The following TRMT9B variants were observed in gnomAD, a reference collection of about 807,000 sequenced individuals.
The protein encoded by TRMT9B is tRNA methyltransferase 9B (putative).
In TRMT9B, 16 loss-of-function variants were observed where a neutral mutation model predicts 11.5. The ratio of observed to expected loss-of-function variants is 1.39; its 90% confidence interval spans 0.94 to 2.11. The LOEUF (loss-of-function observed/expected upper bound fraction) is 2.11, where lower values mean the gene tolerates loss of function less well. Among genes scored for constraint, TRMT9B ranks in the 30% most tolerant of loss-of-function variants. TRMT9B has a pLI of 0.00. For synonymous variants in TRMT9B, 274 were observed against 192.4 expected (o/e 1.42, Z -3.51); for missense variants, 941 against 553.8 (o/e 1.70, Z -7.02).
chr8:13,014,530 T>C (rs1812259359), intron 4 of TRMT9B, among the ~76,000 whole-genome samples: 1 of 152,096 alleles, frequency 6.6e-6, no homozygotes, highest in Non-Finnish European at 1.5e-5. Context: ...AAATAGGCCA[T>C]TAAGCCCATA....
intron 1 of TRMT9B, among the ~76,000 whole-genome samples, chr8:12,951,028 G>T (rs1194436530): frequency 1.3e-5 from 2 of 152,178 alleles, no homozygotes; most frequent in Admixed American, 6.5e-5. Context: ...TTGATAATAG[G>T]CGGTTGAAGA....
chr8:13,004,820 G>C (rs1177997812), intron 2 of TRMT9B, among the ~76,000 whole-genome samples: 1 of 152,056 alleles, frequency 6.6e-6, no homozygotes, highest in Non-Finnish European at 1.5e-5. Context: ...TTGCACATTA[G>C]GTACCAGCTC....
At chr8:12,946,787 G>C (rs550909319) in intron 1 of TRMT9B, among the ~76,000 whole-genome samples, 1 of 152,282 alleles carries the variant, frequency 6.6e-6, no homozygotes, top group Non-Finnish European at 1.5e-5. Context: ...TAAAAGTTCA[G>C]GAAGAAAGAG....
At chr8:12,971,745 C>T (rs767459139) in intron 1 of TRMT9B, among the ~76,000 whole-genome samples, 14 of 152,034 alleles carry the variant, frequency 9.2e-5, no homozygotes, top group Non-Finnish European at 1.6e-4. Context: ...TATTTTCCTC[C>T]GAATATATTT....
At chr8:13,017,771 GC>G (rs1448644313) in intron 4 of TRMT9B, among the ~76,000 whole-genome samples, 2 of 151,386 alleles carry the variant, frequency 1.3e-5, no homozygotes, top group Non-Finnish European at 2.9e-5. Context: ...ACACCACCAC[GC>G]CCAGCTAATT....
intron 2 of TRMT9B, among the ~76,000 whole-genome samples, chr8:13,003,696 G>A (rs554509203): frequency 5.9e-5 from 9 of 151,578 alleles, no homozygotes; most frequent in Non-Finnish European, 1.2e-4. Flanking sequence ...TGCCTCTGAA[G>A]AAGTTGAAGG....
chr8:12,967,123 C>T (rs1189307588), intron 1 of TRMT9B, among the ~76,000 whole-genome samples: 2 of 152,058 alleles, frequency 1.3e-5, no homozygotes, highest in East Asian at 3.9e-4. Flanking sequence ...AGTTTCATGT[C>T]CAAACAAGAC....
intron 2 of TRMT9B, among the ~76,000 whole-genome samples, chr8:12,993,649 C>T (rs1032959587): frequency 6.6e-6 from 1 of 152,204 alleles, no homozygotes; most frequent in Non-Finnish European, 1.5e-5. Flanking sequence ...ATCTTCTAGG[C>T]TGGCATTCCA....
At chr8:13,020,215 T>C (rs745901395) in intron 4 of TRMT9B, among the ~76,000 whole-genome samples, 2 of 152,188 alleles carry the variant, frequency 1.3e-5, no homozygotes, top group Non-Finnish European at 2.9e-5. Context: ...TCCTCACTGA[T>C]ATATTGGTGC....
chr8:12,981,867 T>C (rs1288265041), intron 1 of TRMT9B, among the ~76,000 whole-genome samples: 1 of 152,104 alleles, frequency 6.6e-6, no homozygotes, highest in Non-Finnish European at 1.5e-5. Flanking sequence ...CCAAAGCCAG[T>C]GTTGGGAGGT....
intron 1 of TRMT9B, among the ~76,000 whole-genome samples, chr8:12,985,310 A>G (rs549522159): frequency 6.6e-6 from 1 of 152,300 alleles, no homozygotes; most frequent in East Asian, 1.9e-4. Context: ...TAGGATTTCA[A>G]GGAGAGATGC....
chr8:12,969,521 C>T (rs1330023686), intron 1 of TRMT9B, among the ~76,000 whole-genome samples: 1 of 152,188 alleles, frequency 6.6e-6, no homozygotes, highest in Non-Finnish European at 1.5e-5. Context: ...TACATTCTCC[C>T]ATTATTTTAA....
chr8:12,995,009 C>T (rs1045446845), intron 2 of TRMT9B, among the ~76,000 whole-genome samples: 2 of 152,184 alleles, frequency 1.3e-5, no homozygotes, highest in Non-Finnish European at 2.9e-5. Context: ...ATCTTGCCTA[C>T]GCTTCCAGGC....
intron 1 of TRMT9B, among the ~76,000 whole-genome samples, chr8:12,983,128 T>A (rs528209244): frequency 3.2e-4 from 49 of 152,234 alleles, no homozygotes; most frequent in African/African-American, 1.1e-3. Context: ...GATACCCCTA[T>A]GAGTAACACT....
Position 13,011,922 on chromosome 8 carries a change from G to A in TRMT9B, c.155-762G>A, listed in dbSNP as rs374729925. ...TTAGTGTATAAATAATAGAAAAGTTGTTGACAGTTGTTTGTTTTGCAGTCA... is the reference window on the plus strand; with the variant it reads ...TTAGTGTATAAATAATAGAAAAGTTATTGACAGTTGTTTGTTTTGCAGTCA... On this transcript the variant is annotated intron_variant, in intron 3 of 4. Coordinates refer to ENST00000524591, the MANE Select transcript of TRMT9B (RefSeq NM_020844.3). 2.3e-5 allele frequency: 23 copies of A among 985,296 alleles called. No homozygotes were observed. In the South Asian group the frequency reaches 8.0e-4, roughly 34 times the overall value. The allele number at this position is 985,296 out of a possible 1,614,324, so 61.0% of individuals were successfully genotyped here. A position where few individuals can be genotyped will look rare whatever the true frequency, so the allele number is the denominator to read the frequency against.
chr8:12,966,474 A>T (rs1389618767), intron 1 of TRMT9B, among the ~76,000 whole-genome samples: 1 of 152,212 alleles, frequency 6.6e-6, no homozygotes, highest in African/African-American at 2.4e-5. Flanking sequence ...ATACTTTGTC[A>T]TAATTAGCTC....
chr8:12,953,965 A>G (rs1333332897), intron 1 of TRMT9B, among the ~76,000 whole-genome samples: 2 of 152,252 alleles, frequency 1.3e-5, no homozygotes, highest in African/African-American at 4.8e-5. Flanking sequence ...TTTTGTTTCT[A>G]GAAAGATTCA....
intron 2 of TRMT9B, among the ~76,000 whole-genome samples, chr8:13,005,796 C>G (rs113932284): frequency 0.012 from 1,799 of 152,180 alleles, 40 homozygotes; most frequent in African/African-American, 0.042. Flanking sequence ...GAATTAATAG[C>G]GCTTTGCTAT....
At chr8:13,007,661 C>T (rs1160244315) in intron 3 of TRMT9B, 5 of 152,218 alleles carry the variant, frequency 3.3e-5, no homozygotes, top group African/African-American at 4.8e-5. Context: ...AATCTAGTTT[C>T]GGAGTGTGCA....
Sources: gnomAD v4.1 joint callset for allele counts (sites outside exome capture counted in the v4.1 genomes callset) on GRCh38, gnomAD v4.1.1 for gene constraint, MANE v1.5 for transcripts, NCBI Gene and HGNC (gene_info 2026-07-23, HGNC 2026-07-21) for gene names.